ZNF385B: variants seen among roughly 807,000 people sequenced by gnomAD.
ZNF385B encodes zinc finger protein 385B, also known as zinc finger protein 533.
Under a neutral mutation model 39.2 loss-of-function variants are expected in ZNF385B, and 23 were observed. The observed-to-expected ratio is 0.59, with a 90% CI of 0.42 to 0.83. The LOEUF (loss-of-function observed/expected upper bound fraction) is 0.83. ZNF385B is among the 40% of genes least tolerant of loss of function. ZNF385B has a pLI of 0.00. For missense variants in ZNF385B, 552 were observed against 598.9 expected, an observed-to-expected ratio of 0.92 and a Z score of 0.82; for synonymous variants, 205 against 222.6, an observed-to-expected ratio of 0.92 and a Z score of 0.70.
At chr2:179,518,693 T>TA in intron 4 of ZNF385B, 55 bp from the exon 5 acceptor site, 1 of 1,110,132 alleles carries the variant, frequency 9.0e-7, no homozygotes, top group Admixed American at 2.5e-5. Context: ...AAGACAACAG[T>TA]GTGAGCAAAT....
At chr2:179,507,937 A>G (rs557294167) in intron 5 of ZNF385B, among the ~76,000 whole-genome samples, 1 of 152,304 alleles carries the variant, frequency 6.6e-6, no homozygotes, top group South Asian at 2.1e-4. Flanking sequence ...CTGACCCACC[A>G]CAACTAAAGT....
chr2:179,750,545 A>G (rs1174070990), intron 3 of ZNF385B, among the ~76,000 whole-genome samples: 1 of 152,106 alleles, frequency 6.6e-6, no homozygotes, highest in Non-Finnish European at 1.5e-5. Flanking sequence ...CCTGTGACTT[A>G]TACAAAGAAA....
intron 6 of ZNF385B, among the ~76,000 whole-genome samples, chr2:179,463,832 T>C (rs1200528710): frequency 6.6e-6 from 1 of 152,220 alleles, no homozygotes; most frequent in Non-Finnish European, 1.5e-5. Flanking sequence ...CGTGTCTTTA[T>C]AGTAGAATGA....
chr2:179,686,767 A>C (rs1303163455), intron 3 of ZNF385B, among the ~76,000 whole-genome samples: 1 of 152,166 alleles, frequency 6.6e-6, no homozygotes, highest in Non-Finnish European at 1.5e-5. Context: ...TTTAACACTA[A>C]AAATTATCTT....
intron 6 of ZNF385B, among the ~76,000 whole-genome samples, chr2:179,472,385 A>C (rs2052867325): frequency 6.6e-6 from 1 of 152,220 alleles, no homozygotes; most frequent in Admixed American, 6.5e-5. Flanking sequence ...TTTAACAGGG[A>C]ACTAAGAACA....
At chr2:179,566,418 T>C (rs1260058584) in intron 3 of ZNF385B, among the ~76,000 whole-genome samples, 1 of 152,210 alleles carries the variant, frequency 6.6e-6, no homozygotes, top group African/African-American at 2.4e-5. Context: ...AAGGAGTCAA[T>C]AGCCTATGAG....
At chr2:179,838,099 A>C (rs1167584551) in intron 1 of ZNF385B, among the ~76,000 whole-genome samples, 1 of 152,224 alleles carries the variant, frequency 6.6e-6, no homozygotes, top group Non-Finnish European at 1.5e-5. Flanking sequence ...TAGAAAAAAA[A>C]GTCTTTCACT....
Position 179,752,679 on chromosome 2 carries a change from T to C in ZNF385B, c.298+16824A>G, listed in dbSNP as rs1483689821. Reference sequence around the variant, plus strand: ...GTGGTTTTGATTTGCATTTCTCTGATGTCCAGTGATGATGAGCATTTTTTC... The same window carrying C: ...GTGGTTTTGATTTGCATTTCTCTGACGTCCAGTGATGATGAGCATTTTTTC... On this transcript the variant is annotated intron_variant, in intron 3 of 9. Coordinates refer to ENST00000410066, the MANE Select transcript of ZNF385B (RefSeq NM_152520.6). Among the ~76,000 whole-genome samples, 3 of 152,174 alleles carry C rather than the reference T, an allele frequency of 2.0e-5. No individual in the cohort carries two copies. The South Asian group carries it at 6.2e-4, about 31-fold the overall frequency.
intron 1 of ZNF385B, among the ~76,000 whole-genome samples, chr2:179,805,585 A>G (rs920160169): frequency 2.1e-4 from 32 of 152,178 alleles, no homozygotes; most frequent in Admixed American, 2.0e-3. Flanking sequence ...TTTGAATCCC[A>G]GCTATAGGTT....
At chr2:179,501,964 T>A (rs1517702) in intron 5 of ZNF385B, among the ~76,000 whole-genome samples, 67,039 of 152,056 alleles carry the variant, frequency 0.44, 16,814 homozygotes, top group Non-Finnish European at 0.57. Flanking sequence ...ATATATGTTG[T>A]TTCCAAAGTT....
chr2:179,480,967 A>T (rs1398036061), intron 6 of ZNF385B: 1 of 152,224 alleles, frequency 6.6e-6, no homozygotes, highest in Non-Finnish European at 1.5e-5. Flanking sequence ...CTGTTAGACT[A>T]CAGGTACTAG....
intron 3 of ZNF385B, among the ~76,000 whole-genome samples, chr2:179,758,354 T>C (rs1209272841): frequency 3.3e-5 from 5 of 152,212 alleles, no homozygotes; most frequent in African/African-American, 1.2e-4. Flanking sequence ...CCTTCCAAGA[T>C]GACGCCTTGT....
intron 3 of ZNF385B, among the ~76,000 whole-genome samples, chr2:179,604,240 T>G (rs1419421485): frequency 6.6e-6 from 1 of 151,878 alleles, no homozygotes; most frequent in Non-Finnish European, 1.5e-5. Flanking sequence ...GAGACTCTGC[T>G]CTCAATAAAT....
At chr2:179,665,419 G>T (rs930023322) in intron 3 of ZNF385B, among the ~76,000 whole-genome samples, 4 of 152,132 alleles carry the variant, frequency 2.6e-5, no homozygotes, top group African/African-American at 9.7e-5. Context: ...TTTTTTTCAA[G>T]GCACTAAATC....
chr2:179,660,240 T>C (rs1474504720), intron 3 of ZNF385B: 2 of 152,392 alleles, frequency 1.3e-5, no homozygotes, highest in Non-Finnish European at 2.9e-5. Flanking sequence ...GCTGGAGTAC[T>C]GGCCTGACTC....
In ZNF385B at chr2:179,631,752, G is replaced by A. The variant is rs573978331; in HGVS notation, c.299-86783C>T. 1.3e-3 allele frequency among the ~76,000 whole-genome samples: 193 copies of A among 152,146 alleles called. 1 individual carries two copies. Among genetic ancestry groups the A allele is most frequent in the African/African-American group, 2.2e-4 (9 of 41,494 alleles). ...ATTGGATAAAGAGTCAAGACCCATC[G>A]GTGTGCTGTATTCAGGAGACCCAGC... On this transcript the variant is annotated intron_variant, in intron 3 of 9. Transcript: ENST00000410066.
chr2:179,736,895 G>A (rs988101935), intron 3 of ZNF385B, among the ~76,000 whole-genome samples: 1 of 152,186 alleles, frequency 6.6e-6, no homozygotes, highest in Non-Finnish European at 1.5e-5. Context: ...ACTTGAACTC[G>A]AGAGGCGGAA....
intron 3 of ZNF385B, among the ~76,000 whole-genome samples, chr2:179,583,803 T>C (rs559921929): frequency 5.3e-5 from 8 of 152,320 alleles, no homozygotes; most frequent in African/African-American, 1.7e-4. Flanking sequence ...ACTATCCCCA[T>C]GATCAGTATC....
intron 1 of ZNF385B, among the ~76,000 whole-genome samples, chr2:179,832,445 T>C (rs1287538679): frequency 6.6e-6 from 1 of 152,226 alleles, no homozygotes; most frequent in African/African-American, 2.4e-5. Flanking sequence ...TTAATGTATA[T>C]AAACCTTTCA....
Sources: allele counts gnomAD v4.1 joint callset (sites outside exome capture counted in the v4.1 genomes callset), GRCh38; gene constraint gnomAD v4.1.1; transcripts MANE v1.5; gene names NCBI Gene and HGNC (gene_info 2026-07-23, HGNC 2026-07-21).